The following KCNIP4 variants were observed in gnomAD, a reference collection of about 807,000 sequenced individuals.
The protein encoded by KCNIP4 is potassium voltage-gated channel interacting protein 4, also known as Kv channel-interacting protein 4.
In KCNIP4, 12 loss-of-function variants were observed where a neutral mutation model predicts 34.0. That is an observed-to-expected ratio of 0.35 (90% confidence interval 0.23 to 0.57). KCNIP4 has a LOEUF of 0.57. Ranked by LOEUF, KCNIP4 falls within the 20% of genes least tolerant of loss-of-function variation. The pLI, the probability that KCNIP4 is intolerant of heterozygous loss-of-function variation, is 0.83. For missense variants in KCNIP4, 238 were observed against 311.7 expected, an observed-to-expected ratio of 0.76 and a Z score of 1.78; for synonymous variants, 124 against 102.2, an observed-to-expected ratio of 1.21 and a Z score of -1.29.
At chr4:21,334,504 A>G (rs1168572948) in intron 1 of KCNIP4, among the ~76,000 whole-genome samples, 1 of 152,062 alleles carries the variant, frequency 6.6e-6, no homozygotes, top group Non-Finnish European at 1.5e-5. Context: ...ATTTTTTAAA[A>G]TAGCTTTTTT....
chr4:20,898,784 C>A (rs1005660096), intron 1 of KCNIP4, among the ~76,000 whole-genome samples: 1 of 152,116 alleles, frequency 6.6e-6, no homozygotes, highest in Non-Finnish European at 1.5e-5. Context: ...ATCTATCTAT[C>A]TCTATCTCAT....
chr4:21,790,321 AT>A (rs1432069746), intron 1 of KCNIP4, among the ~76,000 whole-genome samples: 2 of 152,196 alleles, frequency 1.3e-5, no homozygotes, highest in African/African-American at 2.4e-5. Flanking sequence ...TTAAAAACAT[AT>A]TTCATCAATG....
At chr4:21,255,677 T>G (rs1761015230) in intron 1 of KCNIP4, among the ~76,000 whole-genome samples, 1 of 152,046 alleles carries the variant, frequency 6.6e-6, no homozygotes, top group African/African-American at 2.4e-5. Flanking sequence ...CAGGATGTTG[T>G]TATAGAGGCT....
chr4:21,134,736 C>A (rs1751368517), intron 1 of KCNIP4, among the ~76,000 whole-genome samples: 1 of 152,198 alleles, frequency 6.6e-6, no homozygotes, highest in African/African-American at 2.4e-5. Context: ...ATCCCCCAAG[C>A]TTGTGTCCTC....
intron 1 of KCNIP4, among the ~76,000 whole-genome samples, chr4:21,543,077 T>G (rs892329736): frequency 6.6e-6 from 1 of 151,858 alleles, no homozygotes; most frequent in Non-Finnish European, 1.5e-5. Flanking sequence ...TTGACAACAA[T>G]CCTAAAAATG....
chr4:21,284,724 GT>G (rs755277204), intron 1 of KCNIP4, among the ~76,000 whole-genome samples: 96 of 140,796 alleles, frequency 6.8e-4, no homozygotes, highest in Non-Finnish European at 1.2e-3. Flanking sequence ...TACTGCGCAT[GT>G]GGGTGCCCTT....
chr4:21,181,798 G>T (rs1560787995), intron 1 of KCNIP4, among the ~76,000 whole-genome samples: 1 of 151,940 alleles, frequency 6.6e-6, no homozygotes, highest in Non-Finnish European at 1.5e-5. Context: ...TTTCCTTTGG[G>T]CCTTTAACAT....
chr4:21,398,482 C>T (rs896307359), intron 1 of KCNIP4, among the ~76,000 whole-genome samples: 7 of 152,128 alleles, frequency 4.6e-5, no homozygotes, highest in Non-Finnish European at 7.4e-5. Context: ...GGTTCAGTTT[C>T]GTTTTGCTCT....
chr4:20,843,096 T>A (rs775799269), intron 3 of KCNIP4, among the ~76,000 whole-genome samples: 1 of 151,834 alleles, frequency 6.6e-6, no homozygotes, highest in African/African-American at 2.4e-5. Flanking sequence ...TTAGTAGATA[T>A]GGGGTTTCGC....
intron 1 of KCNIP4, among the ~76,000 whole-genome samples, chr4:21,772,393 G>A (rs1273488795): frequency 6.6e-6 from 1 of 151,816 alleles, no homozygotes; most frequent in African/African-American, 2.4e-5. Context: ...TTCTTTTTTT[G>A]TTTTGTCTCT....
intron 1 of KCNIP4, among the ~76,000 whole-genome samples, chr4:21,596,916 G>C (rs754718148): frequency 6.6e-6 from 1 of 152,100 alleles, no homozygotes; most frequent in Non-Finnish European, 1.5e-5. Context: ...ATCCTCCGAG[G>C]AGATGGAGAG....
chr4:20,886,390 T>C (rs904643322), intron 1 of KCNIP4, among the ~76,000 whole-genome samples: 15 of 152,172 alleles, frequency 9.9e-5, no homozygotes, highest in Non-Finnish European at 1.5e-4. Context: ...CTGGAATTTG[T>C]AGGCCAGGGT....
intron 1 of KCNIP4, among the ~76,000 whole-genome samples, chr4:21,393,868 T>C (rs2109524842): frequency 6.6e-6 from 1 of 152,278 alleles, no homozygotes; most frequent in African/African-American, 2.4e-5. Context: ...AGAGTGTTGA[T>C]AAACACTCCA....
intron 1 of KCNIP4, among the ~76,000 whole-genome samples, chr4:21,377,008 A>ATT (rs58715257): frequency 1.3e-5 from 2 of 151,958 alleles, no homozygotes; most frequent in African/African-American, 4.8e-5. Flanking sequence ...ATAGGAAGGC[A>ATT]TTTTTTTTCC....
intron 1 of KCNIP4, among the ~76,000 whole-genome samples, chr4:21,660,505 G>C (rs1748356853): frequency 6.6e-6 from 1 of 152,106 alleles, no homozygotes; most frequent in Non-Finnish European, 1.5e-5. Flanking sequence ...CCCTGAAGTT[G>C]TGCTATCATA....
At chr4:21,908,421 C>T (rs1337748774) in intron 1 of KCNIP4, among the ~76,000 whole-genome samples, 1 of 152,148 alleles carries the variant, frequency 6.6e-6, no homozygotes, top group Non-Finnish European at 1.5e-5. Context: ...TCAAATTCCC[C>T]TGTGATGGCT....
At chr4:21,779,927 T>C (rs1312658960) in intron 1 of KCNIP4, among the ~76,000 whole-genome samples, 21 of 79,948 alleles carry the variant, frequency 2.6e-4, no homozygotes, top group Admixed American at 2.2e-3. Flanking sequence ...TAAGATCCTG[T>C]CTCAAAAAAA....
intron 1 of KCNIP4, among the ~76,000 whole-genome samples, chr4:20,894,590 A>G (rs1250864349): frequency 6.6e-6 from 1 of 152,188 alleles, no homozygotes; most frequent in East Asian, 1.9e-4. Context: ...AGTCTACTCT[A>G]AGAGCTTTGG....
At chr4:21,056,853 C>T (rs1009728940) in intron 1 of KCNIP4, among the ~76,000 whole-genome samples, 8 of 152,058 alleles carry the variant, frequency 5.3e-5, no homozygotes, top group Admixed American at 2.0e-4. Flanking sequence ...AATTAGATTT[C>T]GAGGAAGTCA....
Sources: gnomAD v4.1 joint callset for allele counts (sites outside exome capture counted in the v4.1 genomes callset) on GRCh38, gnomAD v4.1.1 for gene constraint, MANE v1.5 for transcripts, NCBI Gene and HGNC (gene_info 2026-07-23, HGNC 2026-07-21) for gene names.